FSAF1: variants seen among roughly 807,000 people sequenced by gnomAD.
FSAF1 encodes uncharacterized protein C1orf131.
chr1:231,228,499 T>C, the FSAF1 span, among the ~76,000 whole-genome samples: 8 of 149,594 alleles, frequency 5.3e-5, no homozygotes, highest in Non-Finnish European at 8.8e-5. Context: ...CTCCGGAGAC[T>C]GAAGTCGGAG....
chr1:231,230,543 G>A, the FSAF1 span, among the ~76,000 whole-genome samples: 3 of 152,064 alleles, frequency 2.0e-5, no homozygotes, highest in African/African-American at 4.8e-5. Context: ...CTATCACAAC[G>A]GCACCATGTG....
the FSAF1 span, among the ~76,000 whole-genome samples, chr1:231,228,169 T>C: frequency 2.0e-5 from 3 of 152,208 alleles, no homozygotes; most frequent in African/African-American, 7.2e-5. Flanking sequence ...GTTGAATTAC[T>C]TTTTCTTGTC....
chr1:231,229,095 C>A, the FSAF1 span: 3 of 1,068,960 alleles, frequency 2.8e-6, no homozygotes, highest in South Asian at 3.4e-5. Flanking sequence ...CATTTATAAA[C>A]AAATACTGTA....
the FSAF1 span, among the ~76,000 whole-genome samples, chr1:231,227,880 C>T: frequency 1.3e-5 from 2 of 152,088 alleles, no homozygotes; most frequent in African/African-American, 2.4e-5. Context: ...TGAGCCACCG[C>T]GCCCCGCCCT....
At chr1:231,239,838 T>A in the FSAF1 span, among the ~76,000 whole-genome samples, 2 of 152,344 alleles carry the variant, frequency 1.3e-5, no homozygotes, top group Middle Eastern at 6.8e-3. Flanking sequence ...AAGAGCCAAC[T>A]AAACTTTGGC....
chr1:231,226,808 A>G, the FSAF1 span: 451 of 1,609,162 alleles, frequency 2.8e-4, no homozygotes, highest in Non-Finnish European at 3.6e-4. Flanking sequence ...TGTAATTCAC[A>G]TAACTCTTTT....
At chr1:231,238,991 G>C in the FSAF1 span, 538 of 1,613,982 alleles carry the variant, frequency 3.3e-4, 2 homozygotes, top group African/African-American at 6.4e-3. Flanking sequence ...GGTCCTGTGG[G>C]GGTCCCAGAA....
At chr1:231,231,379 G>A in the FSAF1 span, among the ~76,000 whole-genome samples, 2 of 151,966 alleles carry the variant, frequency 1.3e-5, no homozygotes, top group Admixed American at 6.6e-5. Flanking sequence ...CCTGTATACC[G>A]TTCCCAGATC....
At chr1:231,227,182 G>A in the FSAF1 span, 1 of 1,066,574 alleles carries the variant, frequency 9.4e-7, no homozygotes, top group Non-Finnish European at 1.4e-6. Context: ...ACAGCGTACA[G>A]GAATAATAAC....
chr1:231,229,185 T>C, the FSAF1 span: 1 of 1,585,006 alleles, frequency 6.3e-7, no homozygotes, highest in Non-Finnish European at 8.6e-7. Context: ...TCCACATCTC[T>C]CTCCAAAACA....
At chr1:231,229,469 A>G in the FSAF1 span, among the ~76,000 whole-genome samples, 1 of 152,242 alleles carries the variant, frequency 6.6e-6, no homozygotes, top group Non-Finnish European at 1.5e-5. Context: ...CAAAAATTAA[A>G]AAATAGAATG....
chr1:231,236,268 C>T, the FSAF1 span, among the ~76,000 whole-genome samples: 2 of 152,106 alleles, frequency 1.3e-5, no homozygotes, highest in African/African-American at 2.4e-5. Flanking sequence ...ATTTCCACAC[C>T]GCAATGTCAA....
chr1:231,238,739 G>A, the FSAF1 span: 3 of 1,003,752 alleles, frequency 3.0e-6, no homozygotes, highest in East Asian at 5.1e-5. Flanking sequence ...GAGTCCTTTT[G>A]GCAAATCTGC....
the FSAF1 span, chr1:231,225,636 T>G: frequency 1.1e-6 from 1 of 924,214 alleles, no homozygotes; most frequent in Non-Finnish European, 1.7e-6. Context: ...AACATTTCTT[T>G]CAAGTGGGCA....
chr1:231,226,565 AGATTAC>A, the FSAF1 span: 5 of 649,606 alleles, frequency 7.7e-6, no homozygotes, highest in East Asian at 1.3e-4. Context: ...TAAGTACGCC[AGATTAC>A]TTGGCTGGTA....
chr1:231,229,854 G>T, the FSAF1 span, among the ~76,000 whole-genome samples: 17 of 152,308 alleles, frequency 1.1e-4, no homozygotes, highest in African/African-American at 3.9e-4. Flanking sequence ...TGGGGAGCTG[G>T]TGTTTAATGG....
At chr1:231,225,446 C>G in the FSAF1 span, 1 of 1,609,206 alleles carries the variant, frequency 6.2e-7, no homozygotes, top group Non-Finnish European at 8.5e-7. Flanking sequence ...ATTGTTCAAC[C>G]CCAGGACCTG....
At chr1:231,232,213 C>G in the FSAF1 span, among the ~76,000 whole-genome samples, 1 of 152,056 alleles carries the variant, frequency 6.6e-6, no homozygotes, top group Non-Finnish European at 1.5e-5. Flanking sequence ...GTTTTCTTTC[C>G]CCCCATATTC....
chr1:231,230,802 T>G, the FSAF1 span, among the ~76,000 whole-genome samples: 4 of 152,240 alleles, frequency 2.6e-5, no homozygotes, highest in Non-Finnish European at 5.9e-5. Flanking sequence ...GATGAGGAAC[T>G]CTGCACTTAA....
Sources: gnomAD v4.1 joint callset for allele counts (sites outside exome capture counted in the v4.1 genomes callset) on GRCh38, gnomAD v4.1.1 for gene constraint, MANE v1.5 for transcripts, NCBI Gene and HGNC (gene_info 2026-07-23, HGNC 2026-07-21) for gene names.